Variants in ARID3A observed in about 807,000 individuals in gnomAD.
ARID3A encodes AT-rich interaction domain 3A.
ARID3A carries 11 observed loss-of-function variants against 52.7 expected under a neutral mutation model. The ratio of observed to expected loss-of-function variants is 0.21; its 90% CI spans 0.13 to 0.35. The LOEUF (loss-of-function observed/expected upper bound fraction) is 0.35. Ranked by LOEUF, ARID3A falls within the 10% of genes least tolerant of loss-of-function variation. The pLI is 1.00. For missense variants in ARID3A, 721 were observed against 838.5 expected (o/e 0.86, Z 1.73); for synonymous variants, 404 against 359.4 (o/e 1.12, Z -1.40).
At chr19:932,360 C>T (rs2037349215) in intron 2 of ARID3A, 58 bp from the exon 3 acceptor site, 4 of 1,564,026 alleles carry the variant, frequency 2.6e-6, no homozygotes, top group East Asian at 2.4e-5. Context: ...TGGGTCTTTC[C>T]TTGGGCTGGG....
At position 972,060 on chromosome 19, in the gene ARID3A, C is replaced by G. The variant is rs765729766; in HGVS notation, c.1777C>G (p.Pro593Ala). Residue 593 changes from proline to alanine, a missense_variant, in exon 9 of 9, where the codon CCT becomes GCT. Physicochemically the swap from Pro to Ala is conservative, Grantham distance 27. This residue lies in a region of ARID3A where 297 missense variants were observed against 343.2 expected (regional missense o/e 0.87). Transcript: ENST00000263620. ...PSTSTSNNSL[P>A] Reference sequence around the variant, plus strand: ...CACATCTACCTCAAATAACTCGTTGCCTTAACCGCATCACTCCCCACCCGC... The same window carrying G: ...CACATCTACCTCAAATAACTCGTTGGCTTAACCGCATCACTCCCCACCCGC... The G allele has an allele frequency of 6.5e-7, 1 of 1,544,180 alleles. No homozygotes were observed.
chr19:950,442 G>A (rs1328318310), intron 3 of ARID3A, among the ~76,000 whole-genome samples: 2 of 152,212 alleles, frequency 1.3e-5, no homozygotes. Context: ...AGCCCGGGAA[G>A]GTGCTGAGGG....
chr19:933,489 C>A (rs947284641), intron 3 of ARID3A, among the ~76,000 whole-genome samples: 1 of 152,196 alleles, frequency 6.6e-6, no homozygotes, highest in Non-Finnish European at 1.5e-5. Flanking sequence ...TCTGCCTCGA[C>A]CTCTGGGCGC....
Position 960,701 on chromosome 19 carries a change from C to T in ARID3A, c.766+537C>T, listed in dbSNP as rs12976079. Among the ~76,000 whole-genome samples, 39,726 of 152,000 alleles carry T rather than the reference C, an allele frequency of 0.26. 5,634 individuals carry two copies. The highest frequency in any genetic ancestry group is 0.5 in the East Asian group (2,610 of 5,172). ...GCCTCAGTTTCCCCATCTGTAAAAA[C>T]GGGCCACAAACAGTCCCTGCCCAAA... On this transcript the variant is annotated intron_variant, in intron 4 of 8. Transcript: ENST00000263620. The surrounding 1 kb of genome is among the most constrained non-coding windows in gnomAD (Gnocchi z 4.3).
intron 3 of ARID3A, among the ~76,000 whole-genome samples, chr19:954,791 G>A (rs947074586): frequency 1.3e-5 from 2 of 149,346 alleles, no homozygotes; most frequent in African/African-American, 4.9e-5. Flanking sequence ...CAGACGGGAG[G>A]AACAGCCGGG....
In ARID3A at chr19:929,464, C is replaced by CTT; in HGVS notation, c.-65_-64insTT. 1 of 1,412,556 alleles carries CTT rather than the reference C, an allele frequency of 7.1e-7. No homozygotes were observed. The highest frequency in any genetic ancestry group is 1.4e-5 in the South Asian group (1 of 72,064). The allele number at this position is 1,412,556 out of a possible 1,614,324, so 87.5% of individuals were successfully genotyped here. On this transcript the variant is annotated 5_prime_UTR_variant, in exon 2 of 9. Coordinates refer to ENST00000263620, the MANE Select transcript of ARID3A (RefSeq NM_005224.3). This position sits in a 1 kb window ranked among gnomAD's most constrained non-coding sequence, Gnocchi z 6.2. ...CCCTCCCCGCAGGGGCCGCCCCCGCCGCCCACCCCTAGCGCCCGTGGTGGT... is the reference window on the plus strand; with the variant it reads ...CCCTCCCCGCAGGGGCCGCCCCCGCCTTGCCCACCCCTAGCGCCCGTGGTGGT...
chr19:975,133 C>T lies in ARID3A; in HGVS notation c.*3068C>T, dbSNP rs538876897. 4.3e-6 allele frequency: 1 copy of T among 230,750 alleles called. No individual in the cohort carries two copies. Among genetic ancestry groups the T allele is most frequent in the African/African-American group, 2.2e-5 (1 of 44,972 alleles). 14.3% of individuals were successfully genotyped at this position (230,750 alleles called of 1,614,324 possible). Reference sequence around the variant, plus strand: ...GCTTTCTGGGGTGCAGCTCAGCACCCCCCCTTATGCAGACTGGGAGGGGGT... The same window carrying T: ...GCTTTCTGGGGTGCAGCTCAGCACCTCCCCTTATGCAGACTGGGAGGGGGT... On this transcript the variant is annotated 3_prime_UTR_variant, in exon 9 of 9. Transcript: ENST00000263620.
chr19:932,825 T>G, intron 3 of ARID3A, 83 bp downstream of exon 3: 1 of 1,531,786 alleles, frequency 6.5e-7, no homozygotes, highest in Non-Finnish European at 8.7e-7. Context: ...TTGCACGGGG[T>G]GTGTGCTGAG....
Position 966,821 on chromosome 19 carries a change from T to C in ARID3A, c.1448T>C (p.Leu483Pro). 6 of 1,613,408 alleles carry C rather than the reference T, an allele frequency of 3.7e-6. No homozygotes were observed. Among genetic ancestry groups the C allele is most frequent in the Non-Finnish European group, 5.1e-6 (6 of 1,179,796 alleles). Residue 483 changes from leucine (L) to proline (P), a missense_variant, in exon 7 of 9, where the codon CTG (leucine) becomes CCG (proline). Coordinates refer to ENST00000263620, the MANE Select transcript of ARID3A (RefSeq NM_005224.3). ...LMQRALQQNF[L>P]AMAAQLPMSI... ...CAACGTGCACTCCAGCAGAACTTCC[T>C]GGCCATGGCGGCCCAGCTGCCCATG...
chr19:958,259 T>A (rs2037963072), intron 3 of ARID3A: 1 of 150,654 alleles, frequency 6.6e-6, no homozygotes, highest in Non-Finnish European at 1.5e-5. Context: ...ACTCCGTCTC[T>A]ACTAAAAATA....
intron 3 of ARID3A, among the ~76,000 whole-genome samples, chr19:940,685 G>A (rs371917710): frequency 1.1e-4 from 16 of 152,312 alleles, no homozygotes; most frequent in Non-Finnish European, 1.9e-4. Flanking sequence ...CAGAGGCAGC[G>A]GCTGTGTTTG....
intron 3 of ARID3A, among the ~76,000 whole-genome samples, chr19:946,503 C>G (rs548650036): frequency 6.9e-6 from 1 of 144,330 alleles, no homozygotes; most frequent in African/African-American, 2.6e-5. Context: ...TGCGGTGTCG[C>G]GGTCTTGGCT....
rs114629750 is a variant in ARID3A, at chr19:936,264, C to T, written c.693+3522C>T. Among the ~76,000 whole-genome samples the T allele has an allele frequency of 9.3e-3, 1,415 of 152,282 alleles. 33 individuals are homozygous for T. The highest frequency in any genetic ancestry group is 0.033 in the African/African-American group (1,354 of 41,554). On this transcript the variant is annotated intron_variant, in intron 3 of 8. Transcript: ENST00000263620. ...CATACAATTCACTGTTTTAATTGTACGATTGGGGCCAGGCACAGTGGCTCA... is the reference window on the plus strand; with the variant it reads ...CATACAATTCACTGTTTTAATTGTATGATTGGGGCCAGGCACAGTGGCTCA...
chr19:930,715 T>C (rs1035598112), intron 2 of ARID3A, among the ~76,000 whole-genome samples: 7 of 150,630 alleles, frequency 4.6e-5, no homozygotes, highest in Admixed American at 4.0e-4. Flanking sequence ...TTCACCATGT[T>C]AGCCAAGATG....
chr19:972,157 A>T lies in ARID3A; in HGVS notation c.*92A>T. 8.0e-7 allele frequency: 1 copy of T among 1,256,798 alleles called. No homozygotes were observed. Among genetic ancestry groups the T allele is most frequent in the Non-Finnish European group, 1.1e-6 (1 of 939,014 alleles). 77.9% of individuals were successfully genotyped at this position (1,256,798 alleles called of 1,614,324 possible). On this transcript the variant is annotated 3_prime_UTR_variant, in exon 9 of 9. Coordinates refer to ENST00000263620, the MANE Select transcript of ARID3A (RefSeq NM_005224.3). The stretch of plus-strand genomic sequence containing the variant: ...CACACAGGGGCCAGGATGGCGGAAG[A>T]TACGGGTGGGGAGGGAAGATATCCA...
At chr19:939,925 T>C (rs1322369475) in intron 3 of ARID3A, among the ~76,000 whole-genome samples, 2 of 152,020 alleles carry the variant, frequency 1.3e-5, no homozygotes, top group African/African-American at 4.8e-5. Context: ...ACCCCCAGAC[T>C]GGTGGGAGAC....
intron 1 of ARID3A, among the ~76,000 whole-genome samples, chr19:927,051 C>T (rs913652901): frequency 6.6e-6 from 1 of 152,128 alleles, no homozygotes; most frequent in South Asian, 2.1e-4. Flanking sequence ...CGCCCCTCCC[C>T]CTCCTCTTCC....
rs74873695 is a variant in ARID3A, at chr19:944,325, G to GGTGTGTGTGTGT, written c.693+11596_693+11607dup. Reference sequence around the variant, plus strand: ...TCTGGCTGCAGGGGCGCGTCCAGGGGGTGTGTGTGTGTGTGTGTGTGTGTC... The same window carrying GGTGTGTGTGTGT: ...TCTGGCTGCAGGGGCGCGTCCAGGGGGTGTGTGTGTGTGTGTGTGTGTGTGTGTGTGTGTGTC... On this transcript the variant is annotated intron_variant, in intron 3 of 8. Transcript: ENST00000263620. The surrounding 1 kb of genome is among the most constrained non-coding windows in gnomAD (Gnocchi z 5.9). Among the ~76,000 whole-genome samples the GGTGTGTGTGTGT allele has an allele frequency of 4.3e-3, 645 of 149,832 alleles. 8 individuals are homozygous for GGTGTGTGTGTGT. Among genetic ancestry groups the GGTGTGTGTGTGT allele is most frequent in the African/African-American group, 0.015 (616 of 40,962 alleles).
At chr19:932,892 C>T in intron 3 of ARID3A, 150 bp downstream of exon 3, 3 of 1,460,348 alleles carry the variant, frequency 2.1e-6, no homozygotes, top group Admixed American at 2.8e-5. Context: ...CCTGTGCTTC[C>T]CTCCTGGGCG....
Sources: allele counts gnomAD v4.1 joint callset (sites outside exome capture counted in the v4.1 genomes callset), GRCh38; gene constraint gnomAD v4.1.1; regional missense constraint gnomAD v4.1.1; non-coding constraint Gnocchi (gnomAD v3.1); transcripts MANE v1.5; gene names NCBI Gene and HGNC (gene_info 2026-07-23, HGNC 2026-07-21).